The following CABIN1 variants were observed in gnomAD, a reference collection of about 807,000 sequenced individuals.
The protein encoded by CABIN1 is calcineurin-binding protein cabin-1.
Under a neutral mutation model 227.7 loss-of-function variants are expected in CABIN1, and 133 were observed. The observed-to-expected ratio is 0.58, with a 90% CI of 0.51 to 0.67. CABIN1 has a LOEUF of 0.67. Among genes scored for constraint, CABIN1 ranks in the 30% least tolerant of loss-of-function variants. The probability of loss-of-function intolerance (pLI) is 0.00; values close to 1 mark genes in which losing one functional copy is unlikely to be tolerated. For missense variants in CABIN1, 2,408 were observed against 2,852.5 expected (o/e 0.84, Z 3.55); for synonymous variants, 1,086 against 1,155.1 (o/e 0.94, Z 1.21).
rs184778745 is a variant in CABIN1, at chr22:24,150,733, C to G, written c.4747-13667C>G. Among the ~76,000 whole-genome samples the G allele has an allele frequency of 5.9e-5, 9 of 152,322 alleles. No homozygotes were observed. In the East Asian group the frequency reaches 1.7e-3, roughly 29 times the overall value. ...CACAGATAATCAGAGGCACTTCTGGCTCCGCTGGTGGAAGAGTGCTGGGTT... is the reference window on the plus strand; with the variant it reads ...CACAGATAATCAGAGGCACTTCTGGGTCCGCTGGTGGAAGAGTGCTGGGTT... On this transcript the variant is annotated intron_variant, in intron 29 of 36. Transcript: ENST00000263119.
rs189279754 is a variant in CABIN1, at chr22:24,019,849, G to A, written c.-75+8482G>A. 5.0e-3 allele frequency among the ~76,000 whole-genome samples: 760 copies of A among 151,650 alleles called. 7 individuals carry two copies. Among genetic ancestry groups the A allele is most frequent in the African/African-American group, 0.017 (723 of 41,334 alleles). On this transcript the variant is annotated intron_variant, in intron 1 of 36. Coordinates refer to ENST00000263119, the MANE Select transcript of CABIN1 (RefSeq NM_012295.4). Reference sequence around the variant, plus strand: ...ATTTTGTATTTTTAGTAGAGACGGGGTTTCTCCATGTTGGTCAGGCTGGTC... The same window carrying A: ...ATTTTGTATTTTTAGTAGAGACGGGATTTCTCCATGTTGGTCAGGCTGGTC...
intron 24 of CABIN1, among the ~76,000 whole-genome samples, chr22:24,095,010 G>A (rs2041802749): frequency 6.6e-6 from 1 of 152,314 alleles, no homozygotes; most frequent in Non-Finnish European, 1.5e-5. Context: ...GTGCATGGGT[G>A]CCTCGAGTGG....
chr22:24,039,105 C>T (rs944450164), intron 4 of CABIN1, among the ~76,000 whole-genome samples: 1 of 152,130 alleles, frequency 6.6e-6, no homozygotes, highest in Admixed American at 6.6e-5. Context: ...TGGTCCCAAC[C>T]TGAAATTGAT....
chr22:24,096,193 T>G (rs2041884314), intron 25 of CABIN1, 111 bp downstream of exon 25: 2 of 1,275,298 alleles, frequency 1.6e-6, no homozygotes, highest in Non-Finnish European at 2.3e-6. Context: ...AACAGTAAAC[T>G]AGAACTCATG....
At chr22:24,034,595 G>A (rs2036731683) in intron 1 of CABIN1, among the ~76,000 whole-genome samples, 1 of 152,146 alleles carries the variant, frequency 6.6e-6, no homozygotes, top group African/African-American at 2.4e-5. Context: ...GCGTGGACAT[G>A]TTTTCATTTC....
At chr22:24,078,625 T>C (rs1043412533) in intron 19 of CABIN1, among the ~76,000 whole-genome samples, 1 of 152,230 alleles carries the variant, frequency 6.6e-6, no homozygotes, top group African/African-American at 2.4e-5. Flanking sequence ...TGGATTCTTA[T>C]CTGTTCATCT....
intron 1 of CABIN1, among the ~76,000 whole-genome samples, chr22:24,020,723 T>C (rs1385352122): frequency 6.6e-6 from 1 of 152,192 alleles, no homozygotes; most frequent in Non-Finnish European, 1.5e-5. Flanking sequence ...CTTTCTTCTG[T>C]TGGTGGTGAT....
At position 24,164,532 on chromosome 22, in the gene CABIN1, T is replaced by C; in HGVS notation, c.4879T>C (p.Ser1627Pro). The change falls in exon 30 of 37, where the codon TCC (serine) becomes CCC (proline). Residue 1627 changes from serine to proline, a missense_variant. This residue lies in a region of CABIN1 where 649 missense variants were observed against 910.3 expected (regional missense o/e 0.71). Transcript: ENST00000263119. ...CCACAGCACCCTGCTGAAGGTGTCC[T>C]CCATGCTTCAGCGGACCCCAGACCA... Reference protein sequence around the residue: ...RDHSTLLKVSSMLQRTPDQGK... With the variant: ...RDHSTLLKVSPMLQRTPDQGK... The C allele has an allele frequency of 6.2e-7, 1 of 1,605,654 alleles. No individual in the cohort carries two copies. The highest frequency in any genetic ancestry group is 8.5e-7 in the Non-Finnish European group (1 of 1,179,952).
intron 24 of CABIN1, 94 bp from the exon 25 acceptor site, chr22:24,095,837 G>T: frequency 7.2e-7 from 1 of 1,383,746 alleles, no homozygotes; most frequent in South Asian, 1.2e-5. Flanking sequence ...CTGTTGCCCT[G>T]GTCATGGGCC....
At chr22:24,172,876 G>A (rs1219610348) in intron 34 of CABIN1, among the ~76,000 whole-genome samples, 1 of 152,130 alleles carries the variant, frequency 6.6e-6, no homozygotes. Flanking sequence ...ACCCAGGGCA[G>A]GGAGCCCTTC....
chr22:24,138,542 A>G (rs180758142), intron 29 of CABIN1, among the ~76,000 whole-genome samples: 56 of 152,354 alleles, frequency 3.7e-4, no homozygotes, highest in African/African-American at 1.3e-3. Context: ...ACTGGCTTCA[A>G]GTTGATGTTC....
At chr22:24,151,058 G>T (rs2045453846) in intron 29 of CABIN1, among the ~76,000 whole-genome samples, 2 of 152,186 alleles carry the variant, frequency 1.3e-5, no homozygotes, top group African/African-American at 4.8e-5. Context: ...GAGCTGTCAT[G>T]AGGCAGTAAG....
Position 24,076,254 on chromosome 22 carries a change from C to T in CABIN1, c.2718C>T (p.Cys906=). 1 of 1,614,070 alleles carries T rather than the reference C, an allele frequency of 6.2e-7. No individual in the cohort carries two copies. The highest frequency in any genetic ancestry group is 8.5e-7 in the Non-Finnish European group (1 of 1,179,984). Residue 906 remains cysteine (C), a synonymous_variant, in exon 19 of 37, where the codon TGC becomes TGT. Transcript: ENST00000263119. ...HEYLGRRSWC[C]NSDGALLRFY... ...ATTTGGGCAGAAGGTCCTGGTGCTG[C>T]AATTCAGATGGGGCTCTGCTGCGAT...
chr22:24,159,822 G>T (rs954663644), intron 29 of CABIN1, among the ~76,000 whole-genome samples: 1 of 152,172 alleles, frequency 6.6e-6, no homozygotes, highest in Non-Finnish European at 1.5e-5. Flanking sequence ...CATGGTGCTG[G>T]TGGAAGACAC....
chr22:24,076,083 G>A lies in CABIN1; in HGVS notation c.2633-86G>A, dbSNP rs535859088. On this transcript the variant is annotated intron_variant, in intron 18 of 36. Coordinates refer to ENST00000263119, the MANE Select transcript of CABIN1 (RefSeq NM_012295.4). ...CATGTTGATAAAGACAGAAAAGCCC[G>A]AAAAGAGGAGACTGAGCCTCGCAGC... is the stretch of plus-strand genomic sequence containing the variant. 8.2e-5 allele frequency: 70 copies of A among 858,856 alleles called. No individual in the cohort carries two copies. The Middle Eastern group carries it at 8.9e-4, about 11-fold the overall frequency. 53.2% of individuals were successfully genotyped at this position (858,856 alleles called of 1,614,324 possible). A position where few individuals can be genotyped will look rare whatever the true frequency, so the allele number is the denominator to read the frequency against.
intron 24 of CABIN1, 67 bp from the exon 25 acceptor site, chr22:24,095,864 G>A: frequency 6.3e-7 from 1 of 1,585,230 alleles, no homozygotes. Flanking sequence ...CAGTGTGGCT[G>A]ACTGGCCTGT....
At chr22:24,164,712 C>G (rs1262637678) in intron 30 of CABIN1, 149 bp downstream of exon 30, 14 of 971,642 alleles carry the variant, frequency 1.4e-5, no homozygotes, top group Non-Finnish European at 2.2e-5. Flanking sequence ...GGGGGCCTCT[C>G]TGTCCCAGTG....
In CABIN1 at chr22:24,084,589, T is replaced by C. The variant is rs779193677; in HGVS notation, c.2921T>C (p.Ile974Thr). 19 of 1,613,956 alleles carry C rather than the reference T, an allele frequency of 1.2e-5. No homozygotes were observed. In the South Asian group the frequency reaches 1.9e-4, roughly 16 times the overall value. The change falls in exon 21 of 37, where the codon ATA (isoleucine) becomes ACA (threonine). Residue 974 changes from isoleucine (I) to threonine (T), a missense_variant. Around this residue, in one of 3 missense-constraint regions of CABIN1, gnomAD observed 649 missense variants for 910.3 expected, o/e 0.71. Transcript: ENST00000263119. ...TGTCTTTTTTTCAAGGTGGATCTTATATGGGAGGATGCACTGTTCATGTTT... is the reference window on the plus strand; with the variant it reads ...TGTCTTTTTTTCAAGGTGGATCTTACATGGGAGGATGCACTGTTCATGTTT... The part of the protein sequence containing the change: ...EEHSAQQVDL[I>T]WEDALFMFEY...
intron 1 of CABIN1, among the ~76,000 whole-genome samples, chr22:24,031,267 C>T (rs2036472338): frequency 6.6e-6 from 1 of 152,154 alleles, no homozygotes; most frequent in African/African-American, 2.4e-5. Context: ...TTTCTCCTGC[C>T]TCTGTGGGGT....
Sources: allele counts gnomAD v4.1 joint callset (sites outside exome capture counted in the v4.1 genomes callset), GRCh38; gene constraint gnomAD v4.1.1; regional missense constraint gnomAD v4.1.1; transcripts MANE v1.5; gene names NCBI Gene and HGNC (gene_info 2026-07-23, HGNC 2026-07-21).